The following RALYL variants were observed in gnomAD, a reference collection of about 807,000 sequenced individuals.
RALYL encodes RNA-binding Raly-like protein.
RALYL carries 29 observed loss-of-function variants against 35.1 expected under a neutral mutation model. The ratio of observed to expected loss-of-function variants is 0.83; its 90% confidence interval spans 0.61 to 1.13. RALYL has a LOEUF of 1.13. Ranked by LOEUF, RALYL falls within the 50% of genes most tolerant of loss-of-function variation. The probability of loss-of-function intolerance (pLI) is 0.00; values close to 1 mark genes in which losing one functional copy is unlikely to be tolerated. For missense variants in RALYL, 359 were observed against 360.4 expected, an observed-to-expected ratio of 1.00 and a Z score of 0.03; for synonymous variants, 120 against 127.6, an observed-to-expected ratio of 0.94 and a Z score of 0.40.
At chr8:84,207,038 A>G (rs1818222414) in intron 1 of RALYL, among the ~76,000 whole-genome samples, 1 of 152,176 alleles carries the variant, frequency 6.6e-6, no homozygotes, top group Non-Finnish European at 1.5e-5. Flanking sequence ...CAGAGTGTGG[A>G]GAAAAGGGAA....
At chr8:84,242,394 C>T (rs1342248166) in intron 1 of RALYL, among the ~76,000 whole-genome samples, 1 of 152,092 alleles carries the variant, frequency 6.6e-6, no homozygotes, top group African/African-American at 2.4e-5. Flanking sequence ...GTATTTCTGC[C>T]TCTAAATCTT....
chr8:84,841,091 T>C (rs1312385229), intron 4 of RALYL, among the ~76,000 whole-genome samples: 2 of 152,278 alleles, frequency 1.3e-5, no homozygotes, highest in East Asian at 3.9e-4. Context: ...AACATCATAA[T>C]GACAGGATCA....
At chr8:84,634,316 C>T (rs987796556) in intron 2 of RALYL, among the ~76,000 whole-genome samples, 4 of 151,842 alleles carry the variant, frequency 2.6e-5, no homozygotes, top group African/African-American at 4.8e-5. Flanking sequence ...GTCTTTGTGT[C>T]TGCCTTTCAA....
chr8:84,592,005 C>G (rs997073101), intron 2 of RALYL, among the ~76,000 whole-genome samples: 1 of 152,032 alleles, frequency 6.6e-6, no homozygotes, highest in Admixed American at 6.6e-5. Context: ...TACTATAGCT[C>G]TTTTATATTT....
intron 6 of RALYL, among the ~76,000 whole-genome samples, chr8:84,868,764 C>CAT (rs1839650170): frequency 6.6e-6 from 1 of 151,902 alleles, no homozygotes. Context: ...ATTATGAATA[C>CAT]ATATATATGC....
At chr8:84,804,685 T>C in intron 3 of RALYL, 85 bp from the exon 4 acceptor site, 1 of 608,356 alleles carries the variant, frequency 1.6e-6, no homozygotes, top group South Asian at 3.8e-5. Context: ...ACAAGTATAA[T>C]AATTTTGTCA....
chr8:84,228,240 G>T (rs1824457007), intron 1 of RALYL, among the ~76,000 whole-genome samples: 1 of 151,838 alleles, frequency 6.6e-6, no homozygotes, highest in Admixed American at 6.6e-5. Flanking sequence ...TGAGGGTGGA[G>T]GAGGGCTATG....
chr8:84,468,129 T>C (rs906939601), intron 1 of RALYL, among the ~76,000 whole-genome samples: 9 of 151,964 alleles, frequency 5.9e-5, no homozygotes, highest in Non-Finnish European at 1.2e-4. Flanking sequence ...AATTGGAGAA[T>C]TTAGTGCATT....
chr8:84,590,841 T>G (rs909307589), intron 2 of RALYL, among the ~76,000 whole-genome samples: 1 of 152,174 alleles, frequency 6.6e-6, no homozygotes, highest in Non-Finnish European at 1.5e-5. Flanking sequence ...AGCTGTCTCC[T>G]CTGACTTTAA....
chr8:84,644,932 A>C (rs1315330908), intron 2 of RALYL, among the ~76,000 whole-genome samples: 34 of 151,580 alleles, frequency 2.2e-4, no homozygotes, highest in Admixed American at 2.2e-3. Context: ...TTGTATTTTT[A>C]ATAGAGACAG....
intron 1 of RALYL, among the ~76,000 whole-genome samples, chr8:84,277,007 C>T (rs1161943623): frequency 6.6e-6 from 1 of 152,200 alleles, no homozygotes; most frequent in African/African-American, 2.4e-5. Flanking sequence ...AAGCACGCAG[C>T]TGCCATTGCA....
chr8:84,516,571 A>C (rs1278215463), intron 1 of RALYL, among the ~76,000 whole-genome samples: 1 of 152,186 alleles, frequency 6.6e-6, no homozygotes, highest in Non-Finnish European at 1.5e-5. Context: ...CTATTGGACC[A>C]AAATTGATAT....
chr8:84,686,343 C>T (rs768609155), intron 2 of RALYL, among the ~76,000 whole-genome samples: 19 of 152,122 alleles, frequency 1.2e-4, no homozygotes, highest in Non-Finnish European at 2.4e-4. Flanking sequence ...TGAAAGAGAA[C>T]ATCATGTTTG....
Position 84,850,024 on chromosome 8 carries a change from A to C in RALYL, c.410A>C (p.Asn137Thr). 1 of 1,470,604 alleles carries C rather than the reference A, an allele frequency of 6.8e-7. No individual in the cohort carries two copies. The highest frequency in any genetic ancestry group is 9.1e-7 in the Non-Finnish European group (1 of 1,102,894). 91.1% of individuals were successfully genotyped at this position (1,470,604 alleles called of 1,614,324 possible). ...GATTACTACAGAGATGATTTCTACA[A>C]TCGGTATGTGAATTTTTCATCCTTG... ...DYDYYRDDFY[N>T]RLFDYHGRVP... The change falls in exon 5 of 9, where the codon AAT becomes ACT. Residue 137 changes from asparagine (N) to threonine (T), a missense_variant. By Grantham distance (65) the Asn-to-Thr change is moderately conservative (BLOSUM62 0). Coordinates refer to ENST00000521268, the MANE Select transcript of RALYL (RefSeq NM_173848.7).
At chr8:84,423,626 T>C (rs1023383856) in intron 1 of RALYL, among the ~76,000 whole-genome samples, 25 of 152,114 alleles carry the variant, frequency 1.6e-4, no homozygotes, top group Non-Finnish European at 7.3e-5. Context: ...CGTTAGTTGA[T>C]GCAGTTTCTT....
At chr8:84,214,936 C>T (rs954380442) in intron 1 of RALYL, among the ~76,000 whole-genome samples, 1 of 151,302 alleles carries the variant, frequency 6.6e-6, no homozygotes, top group African/African-American at 2.4e-5. Context: ...GACGGAGTCT[C>T]ACTCTGTCAC....
chr8:84,913,032 A>G (rs62526875), intron 8 of RALYL, among the ~76,000 whole-genome samples: 17,037 of 108,264 alleles, frequency 0.16, 1,655 homozygotes, highest in African/African-American at 0.3. Flanking sequence ...GGATGGATGG[A>G]TAGGTAGGTA....
At chr8:84,256,166 G>A (rs948709714) in intron 1 of RALYL, among the ~76,000 whole-genome samples, 6 of 152,090 alleles carry the variant, frequency 3.9e-5, no homozygotes, top group Non-Finnish European at 7.4e-5. Flanking sequence ...TCTGTCAGCT[G>A]TTTCTGTGTA....
At chr8:84,752,983 C>A (rs1033746604) in intron 2 of RALYL, among the ~76,000 whole-genome samples, 2 of 152,092 alleles carry the variant, frequency 1.3e-5, no homozygotes, top group African/African-American at 4.8e-5. Flanking sequence ...CTCCAGCCCC[C>A]AGAATGGTAG....
Sources: gnomAD v4.1 joint callset for allele counts (sites outside exome capture counted in the v4.1 genomes callset) on GRCh38, gnomAD v4.1.1 for gene constraint, MANE v1.5 for transcripts, NCBI Gene and HGNC (gene_info 2026-07-23, HGNC 2026-07-21) for gene names.